MAST3: variants seen among roughly 807,000 people sequenced by gnomAD.
MAST3 encodes the protein microtubule-associated serine/threonine-protein kinase 3.
MAST3 carries 43 observed loss-of-function variants against 127.0 expected under a neutral mutation model. The ratio of observed to expected loss-of-function variants is 0.34; its 90% CI spans 0.27 to 0.44. The LOEUF (loss-of-function observed/expected upper bound fraction) is 0.44. Among genes scored for constraint, MAST3 ranks in the 20% least tolerant of loss-of-function variants. The pLI is 1.00. For missense variants in MAST3, 1,390 were observed against 1,919.1 expected, an observed-to-expected ratio of 0.72 and a Z score of 5.15; for synonymous variants, 785 against 809.2, an observed-to-expected ratio of 0.97 and a Z score of 0.51.
At chr19:18,114,468 C>T (rs1324527141) in intron 3 of MAST3, among the ~76,000 whole-genome samples, 1 of 152,188 alleles carries the variant, frequency 6.6e-6, no homozygotes, top group East Asian at 1.9e-4. Context: ...GGATTACAGG[C>T]ATAAGCCACG....
rs576984210 is a variant in MAST3 at position 18,111,530 on chromosome 19, C to CTTTTTTTTTTTTTTTTT, written c.161+795_161+811dup. Among the ~76,000 whole-genome samples the CTTTTTTTTTTTTTTTTT allele has an allele frequency of 2.5e-4, 26 of 103,252 alleles. 4 individuals carry two copies. Among genetic ancestry groups the CTTTTTTTTTTTTTTTTT allele is most frequent in the African/African-American group, 1.2e-3 (25 of 21,618 alleles). 67.7% of individuals were successfully genotyped at this position (103,252 alleles called of 152,430 possible). A position where few individuals can be genotyped will look rare whatever the true frequency, so the allele number is the denominator to read the frequency against. On this transcript the variant is annotated intron_variant, in intron 3 of 27. Transcript: ENST00000687212. Reference sequence around the variant, plus strand: ...TGAGCTGCTTAACTCTTTCCACAGACTTTTTTTTTTTTTTTTTTTTTTGAG... The same window carrying CTTTTTTTTTTTTTTTTT: ...TGAGCTGCTTAACTCTTTCCACAGACTTTTTTTTTTTTTTTTTTTTTTTTTTTTTTTTTTTTTTTGAG...
chr19:18,130,720 T>C lies in MAST3; in HGVS notation c.1432+18T>C. On this transcript the variant is annotated intron_variant, in intron 14 of 27. Coordinates refer to ENST00000687212, the MANE Select transcript of MAST3 (RefSeq NM_001393504.1). ...CGTGGAAGGTACGCTCACTGGGGCT[T>C]GCATGCCTCCAGCGATGGGGAGCTC... is the stretch of plus-strand genomic sequence containing the variant. 1 of 1,610,022 alleles carries C rather than the reference T, an allele frequency of 6.2e-7. No individual in the cohort carries two copies. Among genetic ancestry groups the C allele is most frequent in the Non-Finnish European group, 8.5e-7 (1 of 1,177,916 alleles).
At chr19:18,105,932 G>A (rs1245428382) in intron 1 of MAST3, among the ~76,000 whole-genome samples, 1 of 152,112 alleles carries the variant, frequency 6.6e-6, no homozygotes, top group African/African-American at 2.4e-5. Context: ...AGGAGAGAAT[G>A]GCGTTCAGAC....
intron 1 of MAST3, among the ~76,000 whole-genome samples, chr19:18,104,179 CAAAAAAAAAAAAAAAAAAA>C (rs56347763): frequency 1.1e-3 from 49 of 43,484 alleles, no homozygotes; most frequent in East Asian, 8.7e-3. Context: ...GACGCTGTCT[CAAAAAAAAAAAAAAAAAAA>C]AAAAAAAAAA....
chr19:18,133,667 C>T (rs377506493), intron 15 of MAST3, among the ~76,000 whole-genome samples: 1 of 149,804 alleles, frequency 6.7e-6, no homozygotes, highest in Non-Finnish European at 1.5e-5. Flanking sequence ...GATTCTCCTG[C>T]CTCAGCCTTC....
Position 18,149,183 on chromosome 19 carries a change from AC to A in MAST3, c.3509-5del. On this transcript the variant is annotated splice_polypyrimidine_tract_variant and splice_region_variant and intron_variant, in intron 27 of 27. Coordinates refer to ENST00000687212, the MANE Select transcript of MAST3 (RefSeq NM_001393504.1). This position sits in a 1 kb window ranked among gnomAD's most constrained non-coding sequence, Gnocchi z 5.9. Reference sequence around the variant, plus strand: ...CCAGCAGCCCTGACCTACGCTTATCACCCACAGATACCACTGCATCCCCACC... The same window carrying A: ...CCAGCAGCCCTGACCTACGCTTATCACCACAGATACCACTGCATCCCCACC... The A allele has an allele frequency of 6.7e-7, 1 of 1,493,318 alleles. No homozygotes were observed. The highest frequency in any genetic ancestry group is 2.3e-5 in the Admixed American group (1 of 43,586). The allele number at this position is 1,493,318 out of a possible 1,614,324, so 92.5% of individuals were successfully genotyped here. A position where few individuals can be genotyped will look rare whatever the true frequency, so the allele number is the denominator to read the frequency against.
At chr19:18,126,229 G>GA (rs148371435) in intron 11 of MAST3, among the ~76,000 whole-genome samples, 72,947 of 149,400 alleles carry the variant, frequency 0.49, 18,150 homozygotes, top group East Asian at 0.66. Flanking sequence ...CTCAAAAAGA[G>GA]AAAAAAAAAA....
In MAST3 at chr19:18,137,220, C is replaced by T. The variant is rs552443233; in HGVS notation, c.1973-19C>T. ...GGGTGAGGTGAGGACCTGCAGGGCT[C>T]AGCGGGGCATATCTGCAGGTGGCAC... On this transcript the variant is annotated intron_variant, in intron 18 of 27. Coordinates refer to ENST00000687212, the MANE Select transcript of MAST3 (RefSeq NM_001393504.1). 104 of 1,602,342 alleles carry T rather than the reference C, an allele frequency of 6.5e-5. No homozygotes were observed. The highest frequency in any genetic ancestry group is 8.5e-5 in the Non-Finnish European group (100 of 1,173,554).
At position 18,134,515 on chromosome 19, in the gene MAST3, G is replaced by A. The variant is rs2147479439; in HGVS notation, c.1572-64G>A. 3 of 1,542,316 alleles carry A rather than the reference G, an allele frequency of 1.9e-6. No homozygotes were observed. In the East Asian group the frequency reaches 7.0e-5, roughly 36 times the overall value. On this transcript the variant is annotated intron_variant, in intron 15 of 27. Transcript: ENST00000687212. ...CATCTCAGGCGGAGCCAAGGTCTAG[G>A]GCAGAAGGGGAGGCCAGGCACCCCA...
chr19:18,149,285 C>A lies in MAST3; in HGVS notation c.3603C>A (p.Gly1201=). ...AGHTRPSSLH[G]LAAKLGPPRP... ...ACACCCGCCCCAGCTCCCTGCACGG[C>A]CTGGCTGCCAAGCTTGGGCCACCCC... The change falls in exon 28 of 28, where the codon GGC becomes GGA. Residue 1201 remains glycine (G), a synonymous_variant. Transcript: ENST00000687212. This position sits in a 1 kb window ranked among gnomAD's most constrained non-coding sequence, Gnocchi z 5.9. 6.5e-7 allele frequency: 1 copy of A among 1,542,540 alleles called. No homozygotes were observed. Among genetic ancestry groups the A allele is most frequent in the Non-Finnish European group, 8.7e-7 (1 of 1,147,264 alleles).
intron 3 of MAST3, among the ~76,000 whole-genome samples, chr19:18,113,804 A>G (rs1448149558): frequency 6.7e-6 from 1 of 149,508 alleles, no homozygotes; most frequent in South Asian, 2.1e-4. Context: ...CACCATGTTG[A>G]CCAGGCTGGT....
At chr19:18,124,539 CA>C in intron 10 of MAST3, 102 bp from the exon 11 acceptor site, 1 of 1,456,314 alleles carries the variant, frequency 6.9e-7, no homozygotes, top group Non-Finnish European at 9.3e-7. Flanking sequence ...AGTGGAGACC[CA>C]GTGGGTGAGC....
At chr19:18,148,162 G>A (rs1208100273) in intron 27 of MAST3, among the ~76,000 whole-genome samples, 1 of 152,214 alleles carries the variant, frequency 6.6e-6, no homozygotes, top group Non-Finnish European at 1.5e-5. Context: ...TCAGCCAGGT[G>A]TGGTGGCACA....
chr19:18,120,727 G>T (rs796838332), intron 3 of MAST3, among the ~76,000 whole-genome samples: 7 of 151,802 alleles, frequency 4.6e-5, no homozygotes, highest in African/African-American at 1.7e-4. Context: ...GTTTTGTTTT[G>T]TTTTGTTTTG....
rs1599621004 is a variant in MAST3 at position 18,097,798 on chromosome 19, C to T, written c.6C>T (p.Asp2=). 6 of 1,222,612 alleles carry T rather than the reference C, an allele frequency of 4.9e-6. No individual in the cohort carries two copies. Among genetic ancestry groups the T allele is most frequent in the South Asian group, 4.1e-5 (1 of 24,306 alleles). The allele number at this position is 1,222,612 out of a possible 1,614,324, so 75.7% of individuals were successfully genotyped here. The part of the protein sequence containing the change: M[D]ESSLLRRRGL... The stretch of plus-strand genomic sequence containing the variant: ...GCGGCGCGGACTCCCGGGCCATGGA[C>T]GAGTCGAGCCTCCTGCGGCGCCGCG... The change falls in exon 1 of 28, where the codon GAC becomes GAT. Residue 2 remains aspartate (D), a synonymous_variant. Transcript: ENST00000687212.
At chr19:18,119,385 G>C (rs2039681555) in intron 3 of MAST3, among the ~76,000 whole-genome samples, 1 of 152,198 alleles carries the variant, frequency 6.6e-6, no homozygotes, top group South Asian at 2.1e-4. Context: ...AGCCAGGTGA[G>C]CGTGCATTGA....
chr19:18,134,724 G>C lies in MAST3; in HGVS notation c.1704+13G>C. The C allele has an allele frequency of 6.2e-7, 1 of 1,613,112 alleles. No homozygotes were observed. The highest frequency in any genetic ancestry group is 8.5e-7 in the Non-Finnish European group (1 of 1,179,344). ...CATCGACAAGCAGGTGGGCGGGCAGGTGGGTGGGCAGCCCCGGGATGCCTC... is the reference window on the plus strand; with the variant it reads ...CATCGACAAGCAGGTGGGCGGGCAGCTGGGTGGGCAGCCCCGGGATGCCTC... On this transcript the variant is annotated intron_variant, in intron 16 of 27. Coordinates refer to ENST00000687212, the MANE Select transcript of MAST3 (RefSeq NM_001393504.1).
chr19:18,137,171 G>T, intron 18 of MAST3, 68 bp from the exon 19 acceptor site: 1 of 1,574,724 alleles, frequency 6.4e-7, no homozygotes, highest in Non-Finnish European at 8.6e-7. Flanking sequence ...CATGGGCAGT[G>T]GGGGTAGGGG....
chr19:18,146,463 G>A (rs887120090), intron 25 of MAST3, among the ~76,000 whole-genome samples: 1 of 152,148 alleles, frequency 6.6e-6, no homozygotes, highest in African/African-American at 2.4e-5. Flanking sequence ...AAAAAATAGA[G>A]GGCTCTCATG....
Sources: gnomAD v4.1 joint callset for allele counts (sites outside exome capture counted in the v4.1 genomes callset) on GRCh38, gnomAD v4.1.1 for gene constraint, Gnocchi (gnomAD v3.1) non-coding constraint, MANE v1.5 for transcripts, NCBI Gene and HGNC (gene_info 2026-07-23, HGNC 2026-07-21) for gene names.